Variants in NRXN1 observed in about 807,000 individuals in gnomAD.
NRXN1 encodes neurexin 1.
In NRXN1, 39 loss-of-function variants were observed where a neutral mutation model predicts 150.9. That is an observed-to-expected ratio of 0.26 (90% confidence interval 0.20 to 0.34). The LOEUF (loss-of-function observed/expected upper bound fraction) is 0.34, where lower values mean the gene tolerates loss of function less well. Among genes scored for constraint, NRXN1 ranks in the 10% least tolerant of loss-of-function variants. The pLI is 1.00. For missense variants in NRXN1, 1,815 were observed against 1,949.9 expected (o/e 0.93, Z 1.30); for synonymous variants, 924 against 757.0 (o/e 1.22, Z -3.62).
intron 17 of NRXN1, among the ~76,000 whole-genome samples, chr2:50,398,629 T>C (rs1468156875): frequency 6.6e-6 from 1 of 152,170 alleles, no homozygotes; most frequent in Non-Finnish European, 1.5e-5. Context: ...CACAGTCATT[T>C]TCCCTGTGTA....
intron 21 of NRXN1, among the ~76,000 whole-genome samples, chr2:49,948,566 C>A (rs1673365894): frequency 6.6e-6 from 1 of 151,932 alleles, no homozygotes. Flanking sequence ...TGGCAAAAAT[C>A]ATCATCGCAG....
intron 2 of NRXN1, among the ~76,000 whole-genome samples, chr2:50,937,740 A>G (rs1473085442): frequency 6.6e-6 from 1 of 152,042 alleles, no homozygotes; most frequent in African/African-American, 2.4e-5. Flanking sequence ...ATCTCATTCA[A>G]TTATTATAAA....
intron 17 of NRXN1, among the ~76,000 whole-genome samples, chr2:50,396,756 G>T (rs1437771694): frequency 1.3e-5 from 2 of 152,022 alleles, no homozygotes; most frequent in African/African-American, 4.8e-5. Flanking sequence ...CATTCTGGAG[G>T]AGTAAGCATT....
chr2:50,817,193 T>C (rs1381521085), intron 5 of NRXN1, among the ~76,000 whole-genome samples: 5 of 152,128 alleles, frequency 3.3e-5, no homozygotes, highest in Non-Finnish European at 7.4e-5. Context: ...GTTAGAATCT[T>C]AGTGACTTTG....
chr2:50,745,902 T>G (rs546626127), intron 5 of NRXN1, among the ~76,000 whole-genome samples: 43 of 152,114 alleles, frequency 2.8e-4, no homozygotes, highest in African/African-American at 8.7e-4. Flanking sequence ...GAAATTTGGG[T>G]GGGGACATAG....
At chr2:50,666,901 G>GTA (rs1349735539) in intron 5 of NRXN1, among the ~76,000 whole-genome samples, 1 of 151,558 alleles carries the variant, frequency 6.6e-6, no homozygotes, top group African/African-American at 2.4e-5. Flanking sequence ...GTGTGTGTGT[G>GTA]TGTGTGGTGA....
intron 2 of NRXN1, among the ~76,000 whole-genome samples, chr2:50,995,134 T>C (rs1357293547): frequency 6.6e-6 from 1 of 151,950 alleles, no homozygotes; most frequent in Non-Finnish European, 1.5e-5. Flanking sequence ...ACTGCATTGC[T>C]TTAGGGGCTG....
chr2:50,623,226 G>T, intron 6 of NRXN1, 88 bp downstream of exon 6: 1 of 1,031,700 alleles, frequency 9.7e-7, no homozygotes, highest in Non-Finnish European at 1.4e-6. Context: ...GAGGAGCCCT[G>T]TATCATGTTG....
At chr2:50,942,931 C>A (rs1689707134) in intron 2 of NRXN1, among the ~76,000 whole-genome samples, 1 of 152,106 alleles carries the variant, frequency 6.6e-6, no homozygotes, top group Non-Finnish European at 1.5e-5. Context: ...GGCTCTGTGT[C>A]CCACCCAAAC....
intron 15 of NRXN1, among the ~76,000 whole-genome samples, chr2:50,493,084 T>C (rs1055611565): frequency 6.6e-6 from 1 of 152,194 alleles, no homozygotes; most frequent in East Asian, 1.9e-4. Context: ...CTGCAATGAC[T>C]CTCAGCAGGA....
At chr2:50,873,678 G>T (rs1313148440) in intron 5 of NRXN1, among the ~76,000 whole-genome samples, 1 of 151,782 alleles carries the variant, frequency 6.6e-6, no homozygotes, top group East Asian at 2.0e-4. Context: ...TTGATAAACT[G>T]CAAAAGATTG....
intron 21 of NRXN1, among the ~76,000 whole-genome samples, chr2:49,989,951 A>AT (rs1432318494): frequency 6.6e-6 from 1 of 152,022 alleles, no homozygotes; most frequent in Non-Finnish European, 1.5e-5. Flanking sequence ...CTATGAAGTT[A>AT]TTTCTCTCTA....
chr2:50,432,790 T>C (rs1346623180), intron 17 of NRXN1, among the ~76,000 whole-genome samples: 1 of 152,262 alleles, frequency 6.6e-6, no homozygotes, highest in Non-Finnish European at 1.5e-5. Flanking sequence ...ATTCTCTTTG[T>C]ACAAAATTCC....
At chr2:50,060,340 G>C (rs1694327692) in intron 19 of NRXN1, among the ~76,000 whole-genome samples, 1 of 151,994 alleles carries the variant, frequency 6.6e-6, no homozygotes, top group African/African-American at 2.4e-5. Context: ...TCTCCCATTT[G>C]GAACAGATAT....
chr2:50,392,638 C>G (rs1013917753), intron 17 of NRXN1, among the ~76,000 whole-genome samples: 1 of 152,030 alleles, frequency 6.6e-6, no homozygotes, highest in Admixed American at 6.6e-5. Flanking sequence ...TAATAGAGGA[C>G]AAAGAGAAAG....
intron 17 of NRXN1, among the ~76,000 whole-genome samples, chr2:50,375,945 C>T (rs1184515384): frequency 1.3e-5 from 2 of 151,594 alleles, no homozygotes; most frequent in African/African-American, 4.8e-5. Flanking sequence ...AGCCAATAAG[C>T]CCTTAAAATA....
chr2:50,990,084 A>G (rs1210383299), intron 2 of NRXN1, among the ~76,000 whole-genome samples: 1 of 152,028 alleles, frequency 6.6e-6, no homozygotes, highest in African/African-American at 2.4e-5. Context: ...GATGTTGAGC[A>G]TCTTTTGCCT....
At chr2:50,206,155 A>G (rs1052574281) in intron 18 of NRXN1, among the ~76,000 whole-genome samples, 2 of 152,054 alleles carry the variant, frequency 1.3e-5, no homozygotes, top group African/African-American at 4.8e-5. Flanking sequence ...AAAATTTTCA[A>G]CTGCAAAAAT....
chr2:50,604,607 C>G (rs968685657), intron 8 of NRXN1, among the ~76,000 whole-genome samples: 6 of 152,120 alleles, frequency 3.9e-5, no homozygotes, highest in African/African-American at 1.4e-4. Flanking sequence ...ACTCTTATCT[C>G]TATTTTTGTT....
Sources: allele counts gnomAD v4.1 joint callset (sites outside exome capture counted in the v4.1 genomes callset), GRCh38; gene constraint gnomAD v4.1.1; transcripts MANE v1.5; gene names NCBI Gene and HGNC (gene_info 2026-07-23, HGNC 2026-07-21).